The following PCDHGB1 variants were observed in gnomAD, a reference collection of about 807,000 sequenced individuals.
PCDHGB1 encodes the protein protocadherin gamma-B1.
Under a neutral mutation model 56.6 loss-of-function variants are expected in PCDHGB1, and 34 were observed. That is an observed-to-expected ratio of 0.60 (90% confidence interval 0.46 to 0.80). The LOEUF is 0.80. Ranked by LOEUF, PCDHGB1 falls within the 30% of genes least tolerant of loss-of-function variation. The probability of loss-of-function intolerance (pLI) is 0.00; values close to 1 mark genes in which losing one functional copy is unlikely to be tolerated. For missense variants in PCDHGB1, 1,278 were observed against 1,204.6 expected, an observed-to-expected ratio of 1.06 and a Z score of -0.90; for synonymous variants, 561 against 505.9, an observed-to-expected ratio of 1.11 and a Z score of -1.46.
chr5:141,401,394 T>C (rs1444370873), intron 1 of PCDHGB1, among the ~76,000 whole-genome samples: 1 of 152,158 alleles, frequency 6.6e-6, no homozygotes, highest in Non-Finnish European at 1.5e-5. Context: ...CTACATGTTA[T>C]GTGTATGAGA....
intron 1 of PCDHGB1, chr5:141,389,222 C>T (rs765730840): frequency 6.2e-7 from 1 of 1,614,072 alleles, no homozygotes; most frequent in Non-Finnish European, 8.5e-7. Flanking sequence ...TAAATGACAA[C>T]GCTCCGGTTT....
chr5:141,358,725 A>G (rs903628182), intron 1 of PCDHGB1, among the ~76,000 whole-genome samples: 4 of 152,232 alleles, frequency 2.6e-5, no homozygotes, highest in Admixed American at 1.3e-4. Context: ...CAAGGAAAAT[A>G]TAAGTTTTTG....
In PCDHGB1 at chr5:141,404,546, G is replaced by A. The variant is rs753308273; in HGVS notation, c.2409+51877G>A. 11 of 1,613,800 alleles carry A rather than the reference G, an allele frequency of 6.8e-6. No individual in the cohort carries two copies. In the East Asian group the frequency reaches 2.2e-4, roughly 33 times the overall value. ...GCAGTTTAGAGATTTGCAAATGCAGGTGACGGCAAGTGACAGTGGAAGCCC... is the reference window on the plus strand; with the variant it reads ...GCAGTTTAGAGATTTGCAAATGCAGATGACGGCAAGTGACAGTGGAAGCCC... On this transcript the variant is annotated intron_variant, in intron 1 of 3. Transcript: ENST00000523390.
chr5:141,464,973 TTC>T (rs2154568681), intron 1 of PCDHGB1, among the ~76,000 whole-genome samples: 1 of 152,092 alleles, frequency 6.6e-6, no homozygotes, highest in East Asian at 1.9e-4. Flanking sequence ...AACTACTGGC[TTC>T]AAGTGATCCT....
intron 1 of PCDHGB1, among the ~76,000 whole-genome samples, chr5:141,461,233 G>T (rs2099011336): frequency 6.6e-6 from 1 of 152,028 alleles, no homozygotes; most frequent in East Asian, 1.9e-4. Context: ...CATAGAGGTT[G>T]TACTAATTTA....
intron 1 of PCDHGB1, among the ~76,000 whole-genome samples, chr5:141,382,559 C>T (rs1588920623): frequency 1.3e-5 from 2 of 152,238 alleles, no homozygotes; most frequent in East Asian, 1.9e-4. Context: ...ATATCTAGAG[C>T]AAAGAAATCT....
At chr5:141,382,318 T>C (rs1233432296) in intron 1 of PCDHGB1, among the ~76,000 whole-genome samples, 2 of 152,250 alleles carry the variant, frequency 1.3e-5, no homozygotes, top group Non-Finnish European at 2.9e-5. Context: ...TACACTGATG[T>C]AAATATTTTC....
chr5:141,377,890 C>T (rs1204585448), intron 1 of PCDHGB1: 1 of 152,090 alleles, frequency 6.6e-6, no homozygotes, highest in African/African-American at 2.4e-5. Context: ...GATAGGATCC[C>T]CCTCTGTTGC....
chr5:141,357,189 T>A, intron 1 of PCDHGB1: 1 of 1,613,760 alleles, frequency 6.2e-7, no homozygotes, highest in Non-Finnish European at 8.5e-7. Context: ...TCACTGTGGC[T>A]GTGGCCGACA....
chr5:141,357,521 G>C, intron 1 of PCDHGB1: 1 of 1,614,228 alleles, frequency 6.2e-7, no homozygotes, highest in Non-Finnish European at 8.5e-7. Flanking sequence ...TCCCAACCCA[G>C]CTATGCAGAC....
intron 1 of PCDHGB1, among the ~76,000 whole-genome samples, chr5:141,459,804 C>G (rs2098975712): frequency 6.6e-6 from 1 of 152,192 alleles, no homozygotes; most frequent in Non-Finnish European, 1.5e-5. Context: ...TCCCTGTTGA[C>G]TAGAGACACT....
chr5:141,423,689 G>A (rs2096767103), intron 1 of PCDHGB1: 2 of 1,400,130 alleles, frequency 1.4e-6, no homozygotes, highest in Non-Finnish European at 9.4e-7. Context: ...CCTCCTAATT[G>A]TTGGTGTCTT....
rs775989253 is a variant in PCDHGB1 at position 141,491,769 on chromosome 5, G to A, written c.2410-3038G>A. On this transcript the variant is annotated intron_variant, in intron 1 of 3. Transcript: ENST00000523390. The surrounding 1 kb of genome is among the most constrained non-coding windows in gnomAD (Gnocchi z 6.9). ...CTGGAGAAGCCGCCCGTCCTCATAA[G>A]GGATTGAACTTGCATCCACTCCTCT... 6.4e-7 allele frequency: 1 copy of A among 1,562,376 alleles called. No homozygotes were observed. Among genetic ancestry groups the A allele is most frequent in the African/African-American group, 1.4e-5 (1 of 73,058 alleles).
intron 3 of PCDHGB1, among the ~76,000 whole-genome samples, chr5:141,508,533 C>A (rs1396219805): frequency 6.6e-6 from 1 of 152,160 alleles, no homozygotes; most frequent in Non-Finnish European, 1.5e-5. Flanking sequence ...CAGGGCACCC[C>A]CCACGAGGTG....
chr5:141,419,980 G>T lies in PCDHGB1; in HGVS notation c.2409+67311G>T, dbSNP rs182372807. 1.1e-4 allele frequency: 180 copies of T among 1,614,080 alleles called. No individual in the cohort carries two copies. The East Asian group carries it at 1.1e-3, about 10-fold the overall frequency. On this transcript the variant is annotated intron_variant, in intron 1 of 3. Transcript: ENST00000523390. ...TTTCTGTGCTCTTTCTCCTCGCGGTGATTCTAGCTATTGCTCTACGCCTGC... is the reference window on the plus strand; with the variant it reads ...TTTCTGTGCTCTTTCTCCTCGCGGTTATTCTAGCTATTGCTCTACGCCTGC...
At position 141,351,339 on chromosome 5, in the gene PCDHGB1, C is replaced by G; in HGVS notation, c.1079C>G (p.Thr360Ser). 1.9e-6 allele frequency: 3 copies of G among 1,613,532 alleles called. No homozygotes were observed. The highest frequency in any genetic ancestry group is 2.5e-6 in the Non-Finnish European group (3 of 1,179,652). ...NQIPEDSDLGTVIALIKVRDK... is the reference protein window; with the variant it reads ...NQIPEDSDLGSVIALIKVRDK... ...ATTCCAGAGGATTCAGACCTTGGAA[C>G]TGTAATAGCCCTCATAAAAGTGCGA... The change falls in exon 1 of 4, where the codon ACT becomes AGT. Residue 360 changes from threonine (T) to serine (S), a missense_variant. Transcript: ENST00000523390.
In PCDHGB1 at chr5:141,350,537, T is replaced by C; in HGVS notation, c.277T>C (p.Cys93Arg). 6.2e-7 allele frequency: 1 copy of C among 1,614,006 alleles called. No homozygotes were observed. The highest frequency in any genetic ancestry group is 8.5e-7 in the Non-Finnish European group (1 of 1,179,888). ...VNGRIDREKI[C>R]GRKLECALEF... Reference sequence around the variant, plus strand: ...CGGTAGGATAGATCGAGAGAAGATTTGCGGAAGGAAACTTGAGTGTGCACT... The same window carrying C: ...CGGTAGGATAGATCGAGAGAAGATTCGCGGAAGGAAACTTGAGTGTGCACT... The change falls in exon 1 of 4, where the codon TGC (cysteine) becomes CGC (arginine). Residue 93 changes from cysteine to arginine, a missense_variant. By Grantham distance (180) the Cys-to-Arg change is radical (BLOSUM62 -3). Coordinates refer to ENST00000523390, the MANE Select transcript of PCDHGB1 (RefSeq NM_018922.3).
chr5:141,478,323 G>C, intron 1 of PCDHGB1: 1 of 1,613,958 alleles, frequency 6.2e-7, no homozygotes, highest in Non-Finnish European at 8.5e-7. Flanking sequence ...TCACTGTACC[G>C]AACACCAGGG....
chr5:141,365,782 C>T (rs369080489), intron 1 of PCDHGB1: 274 of 1,613,792 alleles, frequency 1.7e-4, no homozygotes, highest in Non-Finnish European at 2.2e-4. Context: ...GCGGCGACAA[C>T]GCTCGAGTCA....
Sources: allele counts gnomAD v4.1 joint callset (sites outside exome capture counted in the v4.1 genomes callset), GRCh38; gene constraint gnomAD v4.1.1; non-coding constraint Gnocchi (gnomAD v3.1); transcripts MANE v1.5; gene names NCBI Gene and HGNC (gene_info 2026-07-23, HGNC 2026-07-21).